PATJ: variants seen among roughly 807,000 people sequenced by gnomAD.
The protein encoded by PATJ is PATJ crumbs cell polarity complex component.
Under a neutral mutation model 224.9 loss-of-function variants are expected in PATJ, and 190 were observed. The observed-to-expected ratio is 0.84, with a 90% CI of 0.75 to 0.95. The LOEUF is 0.95. Among genes scored for constraint, PATJ ranks in the 40% least tolerant of loss-of-function variants. The pLI is 0.00. For missense variants in PATJ, 2,121 were observed against 2,270.3 expected, an observed-to-expected ratio of 0.93 and a Z score of 1.34; for synonymous variants, 769 against 820.3, an observed-to-expected ratio of 0.94 and a Z score of 1.07.
intron 27 of PATJ, among the ~76,000 whole-genome samples, chr1:61,953,812 A>G (rs1479942853): frequency 2.6e-5 from 4 of 152,186 alleles, no homozygotes; most frequent in African/African-American, 4.8e-5. Flanking sequence ...AGATTATAAT[A>G]CATGTATGCT....
intron 29 of PATJ, among the ~76,000 whole-genome samples, chr1:62,036,964 G>A (rs1459641207): frequency 1.3e-5 from 2 of 151,898 alleles, no homozygotes; most frequent in African/African-American, 2.4e-5. Flanking sequence ...TCAAGAAAAG[G>A]CAGTGACATG....
chr1:61,798,421 ACTCCTGGGCTCAAGTGATCCACCTGC>A (rs879307344), intron 11 of PATJ, among the ~76,000 whole-genome samples: 3 of 151,270 alleles, frequency 2.0e-5, no homozygotes, highest in Admixed American at 1.3e-4. Flanking sequence ...CTAGTCTTGA[ACTCCTGGGCTCAAGTGATCCACCTGC>A]CTTGGCCTCC....
chr1:61,945,956 C>T (rs2149362005), intron 27 of PATJ, among the ~76,000 whole-genome samples: 1 of 152,280 alleles, frequency 6.6e-6, no homozygotes, highest in East Asian at 1.9e-4. Context: ...CAAACTGCTC[C>T]TGAATGACTA....
At position 61,763,168 on chromosome 1, in the gene PATJ, C is replaced by G. The variant is rs1242566395; in HGVS notation, c.178C>G (p.Leu60Val). 6.3e-7 allele frequency: 1 copy of G among 1,578,600 alleles called. No homozygotes were observed. The highest frequency in any genetic ancestry group is 1.4e-5 in the African/African-American group (1 of 73,770). The stretch of plus-strand genomic sequence containing the variant: ...CACACTTCAGCAGTCCATCAAGCAA[C>G]TGAAGGGTCAAGTAAGTTACCCATC... ...ILTLQQSIKQ[L>V]KGQLNHIPSD... Residue 60 changes from leucine (L) to valine (V), a missense_variant, in exon 3 of 44, where the codon CTG becomes GTG. Transcript: ENST00000642238.
At chr1:61,752,137 T>TAAAA (rs1456147762) in intron 1 of PATJ, among the ~76,000 whole-genome samples, 1 of 38,654 alleles carries the variant, frequency 2.6e-5, no homozygotes, top group African/African-American at 1.1e-4. Context: ...AAACATCATC[T>TAAAA]CAAAAAAAAA....
At chr1:62,154,853 G>A (rs187291657) in intron 43 of PATJ, among the ~76,000 whole-genome samples, 2 of 152,188 alleles carry the variant, frequency 1.3e-5, no homozygotes, top group Admixed American at 1.3e-4. Flanking sequence ...TTTACTTTTG[G>A]ACCACATTGA....
intron 31 of PATJ, among the ~76,000 whole-genome samples, chr1:62,067,293 A>AT (rs1246225349): frequency 1.3e-5 from 2 of 150,740 alleles, no homozygotes; most frequent in Non-Finnish European, 3.0e-5. Flanking sequence ...CGCCCGGCTA[A>AT]TTTTTTTGTA....
chr1:62,028,565 G>A (rs1648505763), intron 29 of PATJ, among the ~76,000 whole-genome samples: 1 of 152,112 alleles, frequency 6.6e-6, no homozygotes, highest in Non-Finnish European at 1.5e-5. Context: ...GATTGCTTGA[G>A]CTCAGGAATT....
intron 27 of PATJ, 95 bp from the exon 28 acceptor site, chr1:61,990,073 T>C (rs1644976730): frequency 1.1e-6 from 1 of 946,910 alleles, no homozygotes; most frequent in Non-Finnish European, 1.5e-6. Context: ...AAAGGTACCA[T>C]AGTTGAGAAA....
chr1:61,954,768 T>G (rs1261558294), intron 27 of PATJ, among the ~76,000 whole-genome samples: 1 of 151,486 alleles, frequency 6.6e-6, no homozygotes, highest in East Asian at 1.9e-4. Flanking sequence ...TTTTTTTTTT[T>G]TTTGAGACAG....
chr1:62,021,854 CTTTG>C lies in PATJ; in HGVS notation c.3959+3911_3959+3914del, dbSNP rs1647102634. ...AATCATCTCAGTACCACAGATGCGA[CTTTG>C]TTTTTCTTTTAAACTCTGCATAACT... On this transcript the variant is annotated intron_variant, in intron 29 of 43. Transcript: ENST00000642238. 2.6e-5 allele frequency among the ~76,000 whole-genome samples: 4 copies of C among 152,254 alleles called. 1 individual carries two copies. Among genetic ancestry groups the C allele is most frequent in the African/African-American group, 9.6e-5 (4 of 41,554 alleles).
intron 41 of PATJ, among the ~76,000 whole-genome samples, chr1:62,144,770 AAAAAAAAATATATAT>A (rs1667843058): frequency 3.3e-5 from 2 of 60,582 alleles, no homozygotes; most frequent in East Asian, 1.7e-3. Context: ...TATTTGCAAA[AAAAAAAAATATATAT>A]ATATATATAT....
chr1:61,981,240 G>C (rs941749874), intron 27 of PATJ, among the ~76,000 whole-genome samples: 2 of 151,936 alleles, frequency 1.3e-5, no homozygotes, highest in Non-Finnish European at 2.9e-5. Context: ...CTGCATGAGA[G>C]ATTAATCTGT....
At position 62,088,830 on chromosome 1, in the gene PATJ, A is replaced by G. The variant is rs1660358499; in HGVS notation, c.4377+4182A>G. 5.4e-5 allele frequency among the ~76,000 whole-genome samples: 8 copies of G among 147,886 alleles called. No individual in the cohort carries two copies. The South Asian group carries it at 1.7e-3, about 31-fold the overall frequency. On this transcript the variant is annotated intron_variant, in intron 33 of 43. Coordinates refer to ENST00000642238, the MANE Select transcript of PATJ (RefSeq NM_001350145.3). ...TATATAGAATATATAGAACATATAT[A>G]TAGAATATATAGAACATATATATAT...
At chr1:61,966,304 G>A (rs1682131532) in intron 27 of PATJ, among the ~76,000 whole-genome samples, 1 of 152,152 alleles carries the variant, frequency 6.6e-6, no homozygotes, top group Non-Finnish European at 1.5e-5. Flanking sequence ...ATCTGTTAGG[G>A]TCATAGTGTT....
chr1:61,750,561 C>T (rs1412982307), intron 1 of PATJ, among the ~76,000 whole-genome samples: 2 of 150,234 alleles, frequency 1.3e-5, no homozygotes. Context: ...ACTATTACTA[C>T]TGAGTAGCTG....
intron 26 of PATJ, among the ~76,000 whole-genome samples, chr1:61,925,488 A>T (rs1254697793): frequency 6.6e-6 from 1 of 152,208 alleles, no homozygotes; most frequent in Non-Finnish European, 1.5e-5. Flanking sequence ...AAACAAAATC[A>T]TAGAACTGGA....
intron 43 of PATJ, 72 bp from the exon 44 acceptor site, chr1:62,160,832 TGTTA>T: frequency 1.3e-6 from 2 of 1,482,116 alleles, no homozygotes; most frequent in Non-Finnish European, 1.9e-6. Context: ...ACCAGACAGA[TGTTA>T]GAGGTTTTAA....
intron 8 of PATJ, among the ~76,000 whole-genome samples, chr1:61,788,219 C>T (rs1649005300): frequency 1.3e-5 from 2 of 152,168 alleles, no homozygotes; most frequent in Non-Finnish European, 2.9e-5. Context: ...AATAATAATA[C>T]TTGCCTTGTC....
Sources: allele counts gnomAD v4.1 joint callset (sites outside exome capture counted in the v4.1 genomes callset), GRCh38; gene constraint gnomAD v4.1.1; transcripts MANE v1.5; gene names NCBI Gene and HGNC (gene_info 2026-07-23, HGNC 2026-07-21).